KLHL20: variants seen among roughly 807,000 people sequenced by gnomAD.
KLHL20 encodes kelch-like protein 20.
KLHL20 carries 29 observed loss-of-function variants against 69.5 expected under a neutral mutation model. That is an observed-to-expected ratio of 0.42 (90% CI 0.31 to 0.57). The LOEUF is 0.57. KLHL20 is among the 20% of genes least tolerant of loss of function. The pLI is 0.18. For synonymous variants in KLHL20, 253 were observed against 265.2 expected (o/e 0.95, Z 0.45); for missense variants, 419 against 776.0 (o/e 0.54, Z 5.47).
At chr1:173,733,661 A>C (rs1672388926) in intron 2 of KLHL20, 52 bp from the exon 3 acceptor site, 2 of 1,345,152 alleles carry the variant, frequency 1.5e-6, no homozygotes, top group African/African-American at 1.5e-5. Context: ...AGGGGAGAAA[A>C]GAGCTTATAA....
chr1:173,768,071 G>A (rs1647846579), intron 8 of KLHL20, among the ~76,000 whole-genome samples: 1 of 151,998 alleles, frequency 6.6e-6, no homozygotes, highest in African/African-American at 2.4e-5. Context: ...GAATCTACCT[G>A]GAGTGTACTT....
intron 10 of KLHL20, chr1:173,781,894 TAAG>T: frequency 2.6e-6 from 1 of 381,112 alleles, no homozygotes; most frequent in Non-Finnish European, 4.8e-6. Context: ...TTCTAAAATT[TAAG>T]AAATACATGT....
chr1:173,733,227 C>G (rs140182766), intron 2 of KLHL20, among the ~76,000 whole-genome samples: 1 of 151,928 alleles, frequency 6.6e-6, no homozygotes, highest in Non-Finnish European at 1.5e-5. Context: ...TTGCCACATT[C>G]ACCAGGCTGG....
Position 173,782,182 on chromosome 1 carries a change from C to T in KLHL20, c.1697C>T (p.Thr566Ile), listed in dbSNP as rs751215211. 2 of 1,614,096 alleles carry T rather than the reference C, an allele frequency of 1.2e-6. No individual in the cohort carries two copies. Among genetic ancestry groups the T allele is most frequent in the Non-Finnish European group, 8.5e-7 (1 of 1,179,980 alleles). Residue 566 changes from threonine (T) to isoleucine (I), a missense_variant, in exon 11 of 12, where the codon ACA becomes ATA. Thr to Ile is a moderately conservative substitution (Grantham distance 89). Transcript: ENST00000209884. ...LMAVGGFDGTTYLKTIEVFDP... is the reference protein window; with the variant it reads ...LMAVGGFDGTIYLKTIEVFDP... ...GCAGTAGGAGGTTTTGATGGCACAA[C>T]ATACTTGAAGACCATAGAAGTTTTT...
chr1:173,716,952 T>A (rs1039895275), intron 2 of KLHL20, among the ~76,000 whole-genome samples: 12 of 152,230 alleles, frequency 7.9e-5, no homozygotes, highest in African/African-American at 2.9e-4. Context: ...AGTTTACTTC[T>A]TTAGTGTATC....
At chr1:173,753,438 T>G in intron 5 of KLHL20, 131 bp downstream of exon 5, 1 of 669,354 alleles carries the variant, frequency 1.5e-6, no homozygotes, top group Non-Finnish European at 2.6e-6. Context: ...TAACAAGGTT[T>G]TCTTCTGGGC....
chr1:173,778,509 T>G (rs1033798473), intron 10 of KLHL20, among the ~76,000 whole-genome samples: 8 of 89,940 alleles, frequency 8.9e-5, no homozygotes, highest in Non-Finnish European at 1.8e-4. Context: ...TTGTTTTTTG[T>G]TTTTTTTTTG....
intron 2 of KLHL20, among the ~76,000 whole-genome samples, chr1:173,723,478 G>A (rs1359760415): frequency 6.6e-6 from 1 of 152,224 alleles, no homozygotes; most frequent in Non-Finnish European, 1.5e-5. Flanking sequence ...TCTTTGCAAT[G>A]CACATGCAAT....
At chr1:173,722,043 G>C (rs772714312) in intron 2 of KLHL20, among the ~76,000 whole-genome samples, 54 of 152,118 alleles carry the variant, frequency 3.5e-4, no homozygotes, top group Non-Finnish European at 6.2e-4. Flanking sequence ...ATAAAGAAAA[G>C]AAGTTTATCT....
At chr1:173,729,071 A>G (rs1014113637) in intron 2 of KLHL20, among the ~76,000 whole-genome samples, 8 of 152,222 alleles carry the variant, frequency 5.3e-5, no homozygotes, top group Non-Finnish European at 8.8e-5. Context: ...AGAAATACAA[A>G]CTACCATCAG....
intron 2 of KLHL20, among the ~76,000 whole-genome samples, chr1:173,731,649 T>C (rs1010315527): frequency 6.3e-5 from 9 of 142,846 alleles, no homozygotes; most frequent in Non-Finnish European, 1.2e-4. Flanking sequence ...TTCTCACTTA[T>C]AGGTGGGAAT....
At chr1:173,746,069 A>T (rs1248032832) in intron 3 of KLHL20, among the ~76,000 whole-genome samples, 2 of 152,162 alleles carry the variant, frequency 1.3e-5, no homozygotes, top group Non-Finnish European at 2.9e-5. Context: ...TATGGAGATA[A>T]TCATATGAAC....
At chr1:173,761,303 C>T (rs1647284540) in intron 7 of KLHL20, among the ~76,000 whole-genome samples, 2 of 152,102 alleles carry the variant, frequency 1.3e-5, no homozygotes, top group African/African-American at 2.4e-5. Context: ...CTTCAATATT[C>T]CACTGACAGC....
chr1:173,775,441 T>C (rs1027582967), intron 9 of KLHL20, among the ~76,000 whole-genome samples, 193 bp from the exon 10 acceptor site: 1 of 152,164 alleles, frequency 6.6e-6, no homozygotes, highest in Non-Finnish European at 1.5e-5. Context: ...CACTGTACCA[T>C]ACCTAGAAGA....
chr1:173,763,374 AG>A (rs1434746425), intron 7 of KLHL20, among the ~76,000 whole-genome samples: 1 of 152,220 alleles, frequency 6.6e-6, no homozygotes, highest in East Asian at 1.9e-4. Flanking sequence ...TCACAGAATT[AG>A]AAAAAAACAA....
intron 2 of KLHL20, among the ~76,000 whole-genome samples, chr1:173,724,286 TGAGCC>T (rs1671852565): frequency 1.3e-5 from 2 of 152,012 alleles, no homozygotes; most frequent in Non-Finnish European, 2.9e-5. Context: ...ATTACAGGCA[TGAGCC>T]ACTAGGCTCA....
chr1:173,777,864 G>A (rs949194679), intron 10 of KLHL20, among the ~76,000 whole-genome samples: 1 of 152,128 alleles, frequency 6.6e-6, no homozygotes, highest in African/African-American at 2.4e-5. Flanking sequence ...ATATTGGACT[G>A]TAGCTTTCTT....
At chr1:173,729,534 TGGGCTTC>T (rs1056874831) in intron 2 of KLHL20, among the ~76,000 whole-genome samples, 15 of 152,258 alleles carry the variant, frequency 9.9e-5, no homozygotes, top group Non-Finnish European at 1.5e-4. Context: ...CATGATCAAG[TGGGCTTC>T]ATGCCTGGGA....
chr1:173,764,410 A>C (rs900928952), intron 7 of KLHL20, among the ~76,000 whole-genome samples: 2 of 148,586 alleles, frequency 1.3e-5, no homozygotes, highest in Non-Finnish European at 2.9e-5. Flanking sequence ...TTAATCGAAA[A>C]AGATACTTGT....
Sources: gnomAD v4.1 joint callset for allele counts (sites outside exome capture counted in the v4.1 genomes callset) on GRCh38, gnomAD v4.1.1 for gene constraint, MANE v1.5 for transcripts, NCBI Gene and HGNC (gene_info 2026-07-23, HGNC 2026-07-21) for gene names.